The following CCDC141 variants were observed in gnomAD, a reference collection of about 807,000 sequenced individuals.
The protein encoded by CCDC141 is coiled-coil domain containing 141.
In CCDC141, 168 loss-of-function variants were observed where a neutral mutation model predicts 181.0. The ratio of observed to expected loss-of-function variants is 0.93; its 90% CI spans 0.82 to 1.05. The LOEUF (loss-of-function observed/expected upper bound fraction) is 1.05. CCDC141 is among the 50% of genes least tolerant of loss of function. The probability of loss-of-function intolerance (pLI) is 0.00; values close to 1 mark genes in which losing one functional copy is unlikely to be tolerated. For synonymous variants in CCDC141, 666 were observed against 642.3 expected, an observed-to-expected ratio of 1.04 and a Z score of -0.56; for missense variants, 1,902 against 1,788.5, an observed-to-expected ratio of 1.06 and a Z score of -1.14.
chr2:179,028,417 AC>A (rs1364476896), intron 2 of CCDC141, among the ~76,000 whole-genome samples: 1 of 152,184 alleles, frequency 6.6e-6, no homozygotes, highest in Non-Finnish European at 1.5e-5. Context: ...ACAACAGTTT[AC>A]CCTTACTACT....
chr2:178,853,730 C>A, intron 19 of CCDC141, 106 bp from the exon 20 acceptor site: 1 of 898,254 alleles, frequency 1.1e-6, no homozygotes, highest in East Asian at 2.6e-5. Context: ...ACTTAATGTT[C>A]ACATTGGCTT....
intron 2 of CCDC141, among the ~76,000 whole-genome samples, chr2:179,030,508 A>T (rs1348681328): frequency 6.6e-6 from 1 of 152,124 alleles, no homozygotes; most frequent in Non-Finnish European, 1.5e-5. Context: ...ATATAATATT[A>T]TTAGTGAAAT....
chr2:178,963,690 A>G (rs1456849203), intron 4 of CCDC141, among the ~76,000 whole-genome samples: 1 of 149,726 alleles, frequency 6.7e-6, no homozygotes, highest in Non-Finnish European at 1.5e-5. Context: ...GCTGGAGGAG[A>G]GAATGAGATA....
chr2:178,844,869 T>C lies in CCDC141; in HGVS notation c.3474+757A>G, dbSNP rs144904699. Among the ~76,000 whole-genome samples the C allele has an allele frequency of 2.6e-5, 4 of 152,322 alleles. No individual in the cohort carries two copies. In the East Asian group the frequency reaches 7.7e-4, roughly 29 times the overall value. On this transcript the variant is annotated intron_variant, in intron 22 of 23. Transcript: ENST00000443758. The stretch of plus-strand genomic sequence containing the variant: ...CTTCAGCTCCTCAGGAGAGAAACAC[T>C]GGGAGCAGGCAACTTGGCAAAGCAA...
At chr2:178,853,376 C>G in intron 20 of CCDC141, 65 bp downstream of exon 20, 10 of 1,443,508 alleles carry the variant, frequency 6.9e-6, no homozygotes, top group Non-Finnish European at 9.6e-6. Flanking sequence ...TTGCTGTCTA[C>G]TGGATTAGGC....
At chr2:178,972,680 G>T (rs1161434695) in intron 4 of CCDC141, among the ~76,000 whole-genome samples, 2 of 152,154 alleles carry the variant, frequency 1.3e-5, no homozygotes, top group Non-Finnish European at 2.9e-5. Flanking sequence ...ATATTTGCTG[G>T]AAAAGACTTT....
At chr2:178,958,948 T>C (rs983868484) in intron 5 of CCDC141, among the ~76,000 whole-genome samples, 2 of 151,886 alleles carry the variant, frequency 1.3e-5, no homozygotes, top group Admixed American at 6.6e-5. Flanking sequence ...GTTTAAAAGA[T>C]AAATACTTCT....
intron 5 of CCDC141, among the ~76,000 whole-genome samples, chr2:178,955,863 A>G (rs553767509): frequency 6.6e-6 from 1 of 152,370 alleles, no homozygotes; most frequent in East Asian, 1.9e-4. Flanking sequence ...TGTTAACATT[A>G]TTAAACTGAC....
chr2:178,984,791 T>A lies in CCDC141; in HGVS notation c.226-6116A>T, dbSNP rs1397368593. On this transcript the variant is annotated intron_variant, in intron 2 of 23. Transcript: ENST00000443758. Reference sequence around the variant, plus strand: ...CTATCCTAAATATATATGCACCCAATACAGGAGCACCCAGATTCATAAAGC... The same window carrying A: ...CTATCCTAAATATATATGCACCCAAAACAGGAGCACCCAGATTCATAAAGC... Among the ~76,000 whole-genome samples, 3 of 151,916 alleles carry A rather than the reference T, an allele frequency of 2.0e-5. No homozygotes were observed. In the South Asian group the frequency reaches 6.3e-4, roughly 32 times the overall value.
At chr2:178,934,538 T>C (rs1689213307) in intron 6 of CCDC141, among the ~76,000 whole-genome samples, 1 of 152,176 alleles carries the variant, frequency 6.6e-6, no homozygotes. Flanking sequence ...AAAGAAAGTA[T>C]AATTAAAACA....
chr2:179,010,635 G>C (rs959007590), intron 2 of CCDC141, among the ~76,000 whole-genome samples: 1 of 152,008 alleles, frequency 6.6e-6, no homozygotes. Flanking sequence ...ACCACTACAG[G>C]AACTGCTAAA....
chr2:179,015,414 C>CAT (rs200203893), intron 2 of CCDC141, among the ~76,000 whole-genome samples: 4,578 of 104,230 alleles, frequency 0.044, 491 homozygotes, highest in Admixed American at 0.12. Flanking sequence ...ATATATGTAC[C>CAT]ATATATCTCA....
intron 9 of CCDC141, 149 bp from the exon 10 acceptor site, chr2:178,887,020 T>C: frequency 2.0e-6 from 1 of 488,790 alleles, no homozygotes; most frequent in Non-Finnish European, 3.3e-6. Context: ...GTTTTAAATA[T>C]TCAGAATTTC....
intron 2 of CCDC141, 141 bp from the exon 3 acceptor site, chr2:178,978,816 G>C (rs936370199): frequency 4.5e-6 from 3 of 669,802 alleles, no homozygotes; most frequent in Non-Finnish European, 7.0e-6. Flanking sequence ...ATGCAAGAAG[G>C]TGTATCAAAC....
At chr2:178,985,079 C>T (rs947595743) in intron 2 of CCDC141, among the ~76,000 whole-genome samples, 38 of 151,642 alleles carry the variant, frequency 2.5e-4, no homozygotes, top group African/African-American at 6.3e-4. Context: ...AAGCTCTCCT[C>T]GGCAAATGTA....
Position 179,015,069 on chromosome 2 carries a change from T to G in CCDC141, c.225+32215A>C, listed in dbSNP as rs58253002. The stretch of plus-strand genomic sequence containing the variant: ...GGATAAACTGTGAGAGAGACAGAGA[T>G]ATATATATATATATATATATATATA... On this transcript the variant is annotated intron_variant, in intron 2 of 23. Transcript: ENST00000443758. Among the ~76,000 whole-genome samples the G allele has an allele frequency of 4.1e-3, 56 of 13,698 alleles. 1 individual carries two copies. Among genetic ancestry groups the G allele is most frequent in the East Asian group, 0.015 (5 of 324 alleles). The allele number at this position is 13,698 out of a possible 152,430, so 9.0% of individuals were successfully genotyped here.
intron 2 of CCDC141, among the ~76,000 whole-genome samples, chr2:179,013,910 A>G (rs779303553): frequency 1.2e-4 from 17 of 143,802 alleles, no homozygotes; most frequent in Non-Finnish European, 1.8e-4. Flanking sequence ...GTGAACTGCC[A>G]AGATCACACC....
intron 17 of CCDC141, among the ~76,000 whole-genome samples, chr2:178,860,538 C>A (rs13399122): frequency 0.032 from 2,400 of 76,062 alleles, 179 homozygotes; most frequent in South Asian, 0.18. Context: ...AAAAAAAAAA[C>A]AACACTTTTT....
At chr2:179,000,851 T>C (rs989762749) in intron 2 of CCDC141, among the ~76,000 whole-genome samples, 8 of 152,224 alleles carry the variant, frequency 5.3e-5, no homozygotes, top group African/African-American at 1.7e-4. Flanking sequence ...TCCAGAAAGT[T>C]TGTACCAATT....
Sources: gnomAD v4.1 joint callset for allele counts (sites outside exome capture counted in the v4.1 genomes callset) on GRCh38, gnomAD v4.1.1 for gene constraint, MANE v1.5 for transcripts, NCBI Gene and HGNC (gene_info 2026-07-23, HGNC 2026-07-21) for gene names.